The following HECTD4 variants were observed in gnomAD, a reference collection of about 807,000 sequenced individuals.
HECTD4 encodes HECT domain E3 ubiquitin protein ligase 4.
Under a neutral mutation model 471.5 loss-of-function variants are expected in HECTD4, and 114 were observed. The observed-to-expected ratio is 0.24, with a 90% CI of 0.21 to 0.28. The LOEUF (loss-of-function observed/expected upper bound fraction) is 0.28. Among genes scored for constraint, HECTD4 ranks in the 10% least tolerant of loss-of-function variants. HECTD4 has a pLI of 1.00. For missense variants in HECTD4, 3,866 were observed against 5,651.5 expected (o/e 0.68, Z 10.13); for synonymous variants, 2,012 against 2,256.0 (o/e 0.89, Z 3.07).
At chr12:112,363,122 A>C in intron 1 of HECTD4, among the ~76,000 whole-genome samples, 1 of 152,178 alleles carries the variant, frequency 6.6e-6, no homozygotes, top group East Asian at 1.9e-4. Context: ...TTATTACGCT[A>C]ATCAGTAATT....
chr12:112,162,239 G>A lies in HECTD4; in HGVS notation c.*148C>T. On this transcript the variant is annotated 3_prime_UTR_variant, in exon 76 of 76. Transcript: ENST00000682272. This position sits in a 1 kb window ranked among gnomAD's most constrained non-coding sequence, Gnocchi z 5.2. Reference sequence around the variant, plus strand: ...AAAGACAAAAGGTTAAGTCTTCCAGGAGGCCCTGGAATGTGGACGAAAGTT... The same window carrying A: ...AAAGACAAAAGGTTAAGTCTTCCAGAAGGCCCTGGAATGTGGACGAAAGTT... 1 of 781,572 alleles carries A rather than the reference G, an allele frequency of 1.3e-6. No individual in the cohort carries two copies. The highest frequency in any genetic ancestry group is 2.5e-5 in the East Asian group (1 of 39,968). The allele number at this position is 781,572 out of a possible 1,614,324, so 48.4% of individuals were successfully genotyped here.
chr12:112,284,704 C>T (rs922151664), intron 7 of HECTD4, among the ~76,000 whole-genome samples: 6 of 152,202 alleles, frequency 3.9e-5, no homozygotes, highest in African/African-American at 1.4e-4. Context: ...CAATGGTCCA[C>T]CAGTGACCTA....
intron 7 of HECTD4, among the ~76,000 whole-genome samples, chr12:112,296,276 GTGTAGGTGCAGTGGA>G (rs905619608): frequency 1.3e-5 from 2 of 151,858 alleles, no homozygotes; most frequent in African/African-American, 2.4e-5. Context: ...GGTACAGAGG[GTGTAGGTGCAGTGGA>G]TGTAGGTGCA....
intron 1 of HECTD4, among the ~76,000 whole-genome samples, chr12:112,336,210 GT>G (rs1471265505): frequency 6.6e-6 from 1 of 152,190 alleles, no homozygotes; most frequent in East Asian, 1.9e-4. Flanking sequence ...AAGTTTGTGT[GT>G]GGCGGGAAAG....
At chr12:112,169,989 T>C (rs1161267310) in intron 69 of HECTD4, 2 of 534,966 alleles carry the variant, frequency 3.7e-6, no homozygotes, top group Non-Finnish European at 6.7e-6. Context: ...GTCTATACGC[T>C]GTGGCAGAGA....
intron 9 of HECTD4, among the ~76,000 whole-genome samples, chr12:112,276,726 G>A (rs1293489546): frequency 6.6e-6 from 1 of 152,200 alleles, no homozygotes; most frequent in Non-Finnish European, 1.5e-5. Context: ...TTACAGGCGT[G>A]AGCCACTGCG....
intron 14 of HECTD4, among the ~76,000 whole-genome samples, chr12:112,266,407 T>A (rs776906670): frequency 6.6e-6 from 1 of 152,264 alleles, no homozygotes; most frequent in Non-Finnish European, 1.5e-5. Flanking sequence ...ACAGAAAGTT[T>A]ATAAAGCTTG....
chr12:112,307,869 C>T (rs2035295425), intron 6 of HECTD4, among the ~76,000 whole-genome samples: 1 of 152,210 alleles, frequency 6.6e-6, no homozygotes, highest in African/African-American at 2.4e-5. Flanking sequence ...GGGCAGAGAA[C>T]CAAAGGTTCA....
chr12:112,271,579 G>A (rs1362511032), intron 11 of HECTD4, among the ~76,000 whole-genome samples: 2 of 152,138 alleles, frequency 1.3e-5, no homozygotes, highest in Non-Finnish European at 2.9e-5. Context: ...AACCCACAGG[G>A]AAGGAAATTC....
rs1016391823 is a variant in HECTD4, at chr12:112,381,330, G to A, written c.177+622C>T. 1.3e-5 allele frequency among the ~76,000 whole-genome samples: 2 copies of A among 152,122 alleles called. No homozygotes were observed. Among genetic ancestry groups the A allele is most frequent in the African/African-American group, 4.8e-5 (2 of 41,440 alleles). ...TGACCCTTCCCCGAGAGTGCATGGA[G>A]GGCCGCTGGAGCATCCCTCTCGCTG... On this transcript the variant is annotated intron_variant, in intron 1 of 75. Transcript: ENST00000682272. This position sits in a 1 kb window ranked among gnomAD's most constrained non-coding sequence, Gnocchi z 4.1.
At position 112,274,943 on chromosome 12, in the gene HECTD4, C is replaced by T; in HGVS notation, c.1705G>A (p.Val569Met). 1 of 1,548,198 alleles carries T rather than the reference C, an allele frequency of 6.5e-7. No homozygotes were observed. Among genetic ancestry groups the T allele is most frequent in the East Asian group, 2.4e-5 (1 of 40,912 alleles). ...AACTGACCATCCGAAATATTATACA[C>T]CAAGCTGGAGGCTAGGACTTTGGAA... is the stretch of plus-strand genomic sequence containing the variant. ...SSLKILASSL[V>M]YNISDGQFTS... The change falls in exon 10 of 76, where the codon GTG becomes ATG. Residue 569 changes from valine to methionine, a missense_variant. Physicochemically the swap from Val to Met is conservative, Grantham distance 21. Around this residue, in one of 16 missense-constraint regions of HECTD4, gnomAD observed 525 missense variants for 672.6 expected, o/e 0.78. Transcript: ENST00000682272.
chr12:112,183,300 T>C lies in HECTD4; in HGVS notation c.10780-34A>G, dbSNP rs368488223. 7.6e-5 allele frequency: 116 copies of C among 1,522,994 alleles called. 2 individuals carry two copies. The Middle Eastern group carries it at 1.2e-3, about 16-fold the overall frequency. The allele number at this position is 1,522,994 out of a possible 1,614,324, so 94.3% of individuals were successfully genotyped here. On this transcript the variant is annotated intron_variant, in intron 61 of 75. Coordinates refer to ENST00000682272, the MANE Select transcript of HECTD4 (RefSeq NM_001388303.1). ...ACAGAGAACAGGGTCAGGATTTGAG[T>C]AGCTTGACCAGTCATTCAGTGTGAG...
At position 112,382,114 on chromosome 12, in the gene HECTD4, C is replaced by A. The variant is rs2135779029; in HGVS notation, c.15G>T (p.Ala5=). Residue 5 remains alanine (A), a synonymous_variant, in exon 1 of 76, where the codon GCG becomes GCT. Transcript: ENST00000682272. The stretch of plus-strand genomic sequence containing the variant: ...CCGCCGCCGCCGCCGCCGCCGCGGC[C>A]GCCGACGAGCCCATGGCCCCGGCTG... MGSS[A]AAAAAAAAAA... is the part of the protein sequence containing the mutation. The A allele has an allele frequency of 8.2e-7, 1 of 1,225,178 alleles. No individual in the cohort carries two copies. The highest frequency in any genetic ancestry group is 4.3e-5 in the Admixed American group (1 of 23,250). The allele number at this position is 1,225,178 out of a possible 1,614,324, so 75.9% of individuals were successfully genotyped here. A position where few individuals can be genotyped will look rare whatever the true frequency, so the allele number is the denominator to read the frequency against.
intron 1 of HECTD4, among the ~76,000 whole-genome samples, chr12:112,359,125 G>A (rs1299974377): frequency 2.6e-5 from 4 of 151,532 alleles, no homozygotes; most frequent in African/African-American, 7.3e-5. Flanking sequence ...GCAATGAGTC[G>A]AGATGGGCCA....
In HECTD4 at chr12:112,167,365, C is replaced by A. The variant is rs777876541; in HGVS notation, c.12486G>T (p.Leu4162=). ...TGTAGGTGAGGATATCCGCTTCCTG[C>A]AGGTCTTGCTCAGGGTCCAAGGGCT... The part of the protein sequence containing the change: ...VGEPLDPEQD[L]QEADILTYNY... Residue 4162 remains leucine (L), a synonymous_variant, in exon 72 of 76, where the codon CTG becomes CTT. Transcript: ENST00000682272. 9 of 1,613,814 alleles carry A rather than the reference C, an allele frequency of 5.6e-6. No homozygotes were observed. Among genetic ancestry groups the A allele is most frequent in the Non-Finnish European group, 6.8e-6 (8 of 1,179,822 alleles).
intron 7 of HECTD4, among the ~76,000 whole-genome samples, chr12:112,299,342 T>C (rs1015666484): frequency 2.6e-5 from 4 of 152,096 alleles, no homozygotes; most frequent in Non-Finnish European, 4.4e-5. Flanking sequence ...AGTTCAGATG[T>C]GGGGACCTCA....
chr12:112,329,281 T>TA (rs1459519369), intron 1 of HECTD4, among the ~76,000 whole-genome samples: 1 of 152,190 alleles, frequency 6.6e-6, no homozygotes, highest in Non-Finnish European at 1.5e-5. Context: ...ACTGTATACA[T>TA]ACTTCTTATC....
chr12:112,309,500 A>G, intron 5 of HECTD4, 61 bp downstream of exon 5: 8 of 748,836 alleles, frequency 1.1e-5, no homozygotes, highest in Non-Finnish European at 1.4e-5. Context: ...TCTTCTTCAG[A>G]GATTTATGTA....
intron 8 of HECTD4, 140 bp from the exon 9 acceptor site, chr12:112,279,526 G>A: frequency 1.4e-6 from 1 of 723,222 alleles, no homozygotes; most frequent in Non-Finnish European, 2.2e-6. Flanking sequence ...TAGGAAAACA[G>A]AATAAGAAGT....
Sources: allele counts gnomAD v4.1 joint callset (sites outside exome capture counted in the v4.1 genomes callset), GRCh38; gene constraint gnomAD v4.1.1; regional missense constraint gnomAD v4.1.1; non-coding constraint Gnocchi (gnomAD v3.1); transcripts MANE v1.5; gene names NCBI Gene and HGNC (gene_info 2026-07-23, HGNC 2026-07-21).